GPC6: variants seen among roughly 807,000 people sequenced by gnomAD.
The protein encoded by GPC6 is glypican-6.
A neutral mutation model predicts 55.2 loss-of-function variants in GPC6; 14 were observed. The observed-to-expected ratio is 0.25, with a 90% CI of 0.17 to 0.40. The LOEUF (loss-of-function observed/expected upper bound fraction) is 0.40. GPC6 is among the 10% of genes least tolerant of loss of function. GPC6 has a pLI of 1.00. For synonymous variants in GPC6, 278 were observed against 259.6 expected (o/e 1.07, Z -0.68); for missense variants, 641 against 708.5 (o/e 0.90, Z 1.08).
intron 7 of GPC6, among the ~76,000 whole-genome samples, chr13:94,383,297 G>C (rs1006381843): frequency 2.6e-5 from 4 of 152,158 alleles, no homozygotes; most frequent in Non-Finnish European, 5.9e-5. Context: ...GGTTGCAAGC[G>C]GGTAAAGTAG....
At chr13:94,018,219 T>C (rs1260192960) in intron 3 of GPC6, among the ~76,000 whole-genome samples, 16 of 152,300 alleles carry the variant, frequency 1.1e-4, no homozygotes, top group South Asian at 1.0e-3. Context: ...ACGTATTATA[T>C]TGACAGTTTC....
chr13:94,052,456 C>T (rs1314309961), intron 4 of GPC6, among the ~76,000 whole-genome samples: 3 of 152,094 alleles, frequency 2.0e-5, no homozygotes, highest in African/African-American at 7.2e-5. Flanking sequence ...TGAACTGCCT[C>T]ATATGCTATG....
chr13:93,328,885 C>G (rs935938689), intron 1 of GPC6, among the ~76,000 whole-genome samples: 1 of 152,084 alleles, frequency 6.6e-6, no homozygotes, highest in Non-Finnish European at 1.5e-5. Context: ...AATACCTCTA[C>G]AGTTTCTGTT....
At chr13:94,103,929 T>C (rs1339375983) in intron 4 of GPC6, among the ~76,000 whole-genome samples, 1 of 152,194 alleles carries the variant, frequency 6.6e-6, no homozygotes, top group Non-Finnish European at 1.5e-5. Context: ...TGCCGTTGCT[T>C]TTGGTGTTTT....
At chr13:93,520,377 G>T (rs1283608686) in intron 1 of GPC6, among the ~76,000 whole-genome samples, 1 of 151,790 alleles carries the variant, frequency 6.6e-6, no homozygotes, top group Non-Finnish European at 1.5e-5. Flanking sequence ...TAAATTCTTT[G>T]CCAGGTGACA....
In GPC6 at chr13:94,382,425, A is replaced by G. The variant is rs774248702; in HGVS notation, c.1164A>G (p.Ile388Met). 2.5e-6 allele frequency: 4 copies of G among 1,614,030 alleles called. No individual in the cohort carries two copies. The highest frequency in any genetic ancestry group is 1.3e-5 in the African/African-American group (1 of 74,942). The change falls in exon 7 of 9, where the codon ATA becomes ATG. Residue 388 changes from isoleucine (I) to methionine (M), a missense_variant. By Grantham distance (10) the Ile-to-Met change is conservative. Transcript: ENST00000377047. ...GGTTTCTTGATCAGGTCACAGACATAAAAGAGAAATTGAAGCTCTCTAAAA... is the reference window on the plus strand; with the variant it reads ...GGTTTCTTGATCAGGTCACAGACATGAAAGAGAAATTGAAGCTCTCTAAAA... ...GTSLDRLVTD[I>M]KEKLKLSKKV...
chr13:94,326,205 G>GCACACACACA lies in GPC6; in HGVS notation c.1152+20105_1152+20114dup, dbSNP rs3138573. 5.7e-4 allele frequency among the ~76,000 whole-genome samples: 84 copies of GCACACACACA among 147,890 alleles called. 2 individuals carry two copies. The highest frequency in any genetic ancestry group is 5.2e-4 in the African/African-American group (21 of 40,180). On this transcript the variant is annotated intron_variant, in intron 6 of 8. Transcript: ENST00000377047. ...GATCAGGTATTTTTGGTATGCTTGTGCACACACACACACACACACACACAC... is the reference window on the plus strand; with the variant it reads ...GATCAGGTATTTTTGGTATGCTTGTGCACACACACACACACACACACACACACACACACAC...
intron 3 of GPC6, among the ~76,000 whole-genome samples, chr13:93,946,584 A>G (rs1015485616): frequency 6.6e-5 from 10 of 152,238 alleles, no homozygotes; most frequent in African/African-American, 2.4e-4. Flanking sequence ...CCATAAATAA[A>G]TACTTAATGC....
intron 2 of GPC6, among the ~76,000 whole-genome samples, chr13:93,750,308 A>C (rs1884533714): frequency 6.6e-6 from 1 of 152,180 alleles, no homozygotes; most frequent in African/African-American, 2.4e-5. Flanking sequence ...AGCAAACTAG[A>C]ATACAAGGAG....
intron 2 of GPC6, among the ~76,000 whole-genome samples, chr13:93,598,010 G>A (rs557957081): frequency 1.5e-4 from 23 of 152,234 alleles, no homozygotes; most frequent in Admixed American, 1.2e-3. Context: ...TTGGTGCGGT[G>A]TTGCACACCT....
chr13:93,598,747 A>G (rs1179990017), intron 2 of GPC6, among the ~76,000 whole-genome samples: 2 of 152,200 alleles, frequency 1.3e-5, no homozygotes, highest in Non-Finnish European at 2.9e-5. Flanking sequence ...CCATATTGCC[A>G]CTACTGAACT....
Position 94,317,465 on chromosome 13 carries a change from C to A in GPC6, c.1152+11342C>A, listed in dbSNP as rs528923185. On this transcript the variant is annotated intron_variant, in intron 6 of 8. Coordinates refer to ENST00000377047, the MANE Select transcript of GPC6 (RefSeq NM_005708.5). ...AGAAAACATAGAGGCAGCAAACTGC[C>A]CTAATTGATCTACTCACATAAAATC... Among the ~76,000 whole-genome samples, 237 of 152,200 alleles carry A rather than the reference C, an allele frequency of 1.6e-3. 2 individuals are homozygous for A. Among genetic ancestry groups the A allele is most frequent in the African/African-American group, 5.4e-3 (223 of 41,516 alleles).
intron 1 of GPC6, among the ~76,000 whole-genome samples, chr13:93,482,034 A>T (rs1214283417): frequency 6.6e-6 from 1 of 152,150 alleles, no homozygotes; most frequent in Admixed American, 6.5e-5. Context: ...TAGTCTTGTG[A>T]TCCATGATCA....
chr13:93,745,964 G>A (rs1378959342), intron 2 of GPC6, among the ~76,000 whole-genome samples: 1 of 152,184 alleles, frequency 6.6e-6, no homozygotes, highest in Non-Finnish European at 1.5e-5. Flanking sequence ...CAGTGATAAT[G>A]AAATTGTCAG....
intron 3 of GPC6, among the ~76,000 whole-genome samples, chr13:93,958,407 T>G (rs1033411491): frequency 2.0e-5 from 3 of 152,304 alleles, no homozygotes; most frequent in African/African-American, 7.2e-5. Flanking sequence ...ATCCAGTTTT[T>G]GTACATTGCT....
At chr13:93,808,479 A>T (rs549756335) in intron 2 of GPC6, among the ~76,000 whole-genome samples, 1 of 152,356 alleles carries the variant, frequency 6.6e-6, no homozygotes, top group Non-Finnish European at 1.5e-5. Flanking sequence ...AAGGTCTTCT[A>T]TCCTCAACAT....
At chr13:93,430,920 A>C (rs552179612) in intron 1 of GPC6, among the ~76,000 whole-genome samples, 29 of 152,284 alleles carry the variant, frequency 1.9e-4, no homozygotes, top group African/African-American at 6.5e-4. Flanking sequence ...GATAGCTCTC[A>C]GACTGGTTAA....
intron 1 of GPC6, among the ~76,000 whole-genome samples, chr13:93,371,837 G>C (rs370816631): frequency 6.6e-6 from 1 of 151,980 alleles, no homozygotes; most frequent in South Asian, 2.1e-4. Flanking sequence ...AAGACTCTTA[G>C]GAATAGAGAC....
At chr13:93,399,949 A>G (rs1876007905) in intron 1 of GPC6, among the ~76,000 whole-genome samples, 1 of 152,212 alleles carries the variant, frequency 6.6e-6, no homozygotes, top group Admixed American at 6.5e-5. Context: ...TTGAATACTG[A>G]TCAGAAGTAG....
Sources: allele counts gnomAD v4.1 joint callset (sites outside exome capture counted in the v4.1 genomes callset), GRCh38; gene constraint gnomAD v4.1.1; transcripts MANE v1.5; gene names NCBI Gene and HGNC (gene_info 2026-07-23, HGNC 2026-07-21).